Variants in TPPP observed in about 807,000 individuals in gnomAD.
TPPP encodes tubulin polymerization promoting protein.
Under a neutral mutation model 15.5 loss-of-function variants are expected in TPPP, and 6 were observed. The observed-to-expected ratio is 0.39, with a 90% confidence interval of 0.21 to 0.77. The LOEUF (loss-of-function observed/expected upper bound fraction) is 0.77. Ranked by LOEUF, TPPP falls within the 30% of genes least tolerant of loss-of-function variation. The pLI is 0.42. For missense variants in TPPP, 269 were observed against 307.2 expected (o/e 0.88, Z 0.93); for synonymous variants, 146 against 133.9 (o/e 1.09, Z -0.63).
At chr5:684,765 C>A (rs1260425769) in intron 1 of TPPP, among the ~76,000 whole-genome samples, 5 of 152,168 alleles carry the variant, frequency 3.3e-5, no homozygotes, top group African/African-American at 9.7e-5. Context: ...TCATTATCAT[C>A]GCACGGCACT....
Position 676,820 on chromosome 5 carries a change from A to G in TPPP, c.311+930T>C, listed in dbSNP as rs185288505. Among the ~76,000 whole-genome samples, 759 of 100,150 alleles carry G rather than the reference A, an allele frequency of 7.6e-3. 3 individuals are homozygous for G. Among genetic ancestry groups the G allele is most frequent in the Middle Eastern group, 0.038 (7 of 186 alleles). 65.7% of individuals were successfully genotyped at this position (100,150 alleles called of 152,430 possible). ...CACGTGCACATGCAGAAACACATGC[A>G]CACATGCGCACACGTGCACACACGA... On this transcript the variant is annotated intron_variant, in intron 2 of 3. Transcript: ENST00000360578.
intron 1 of TPPP, among the ~76,000 whole-genome samples, chr5:684,642 GC>G (rs1740718999): frequency 6.6e-6 from 1 of 152,064 alleles, no homozygotes; most frequent in Non-Finnish European, 1.5e-5. Flanking sequence ...ATTAAACAGG[GC>G]CAAGGAACAA....
chr5:672,167 C>T (rs1174877768), intron 2 of TPPP, among the ~76,000 whole-genome samples: 1 of 152,200 alleles, frequency 6.6e-6, no homozygotes, highest in African/African-American at 2.4e-5. Flanking sequence ...GTCCTACCGG[C>T]CCTCCACACT....
At chr5:671,352 A>T (rs1179143563) in intron 2 of TPPP, among the ~76,000 whole-genome samples, 1 of 151,790 alleles carries the variant, frequency 6.6e-6, no homozygotes, top group Non-Finnish European at 1.5e-5. Flanking sequence ...CCCCGGGCAG[A>T]TCTGAGGGGC....
the TPPP span, among the ~76,000 whole-genome samples, chr5:699,595 C>A: frequency 6.6e-6 from 1 of 152,016 alleles, no homozygotes; most frequent in African/African-American, 2.4e-5. Flanking sequence ...AGAGCAATTG[C>A]AACAAAAACA....
chr5:694,167 A>G (rs1186416719), upstream of TPPP, among the ~76,000 whole-genome samples: 1 of 150,808 alleles, frequency 6.6e-6, no homozygotes, highest in Non-Finnish European at 1.5e-5. Flanking sequence ...CGCTCCCCAG[A>G]CAGGCTTTGC....
intron 3 of TPPP, 166 bp from the exon 4 acceptor site, chr5:665,462 C>T (rs1310835922): frequency 5.8e-6 from 4 of 685,770 alleles, no homozygotes; most frequent in Admixed American, 3.0e-5. Flanking sequence ...CCTCTCCTGA[C>T]CCTGGGGCAG....
At chr5:691,644 C>A (rs1322761895) in intron 1 of TPPP, among the ~76,000 whole-genome samples, 1 of 26,402 alleles carries the variant, frequency 3.8e-5, no homozygotes, top group East Asian at 5.7e-4. Context: ...CAGCAGCCCC[C>A]AACCCCCATC....
intron 1 of TPPP, among the ~76,000 whole-genome samples, chr5:688,442 G>A (rs910232073): frequency 1.3e-4 from 20 of 151,246 alleles, no homozygotes; most frequent in African/African-American, 4.8e-4. Flanking sequence ...CCCACCACGT[G>A]GCTTCTGGTT....
At chr5:694,232 C>T (rs1341779257), upstream of TPPP, among the ~76,000 whole-genome samples, 2 of 151,840 alleles carry the variant, frequency 1.3e-5, no homozygotes, top group Admixed American at 6.6e-5. Flanking sequence ...GTTGGCTCCC[C>T]ACAAGGTTCC....
intron 2 of TPPP, among the ~76,000 whole-genome samples, chr5:670,567 GGGGGAGCTTCT>G (rs1227386026): frequency 6.6e-6 from 1 of 152,146 alleles, no homozygotes. Flanking sequence ...CACGGGGGGA[GGGGGAGCTTCT>G]GGGGAGGTTC....
intron 2 of TPPP, among the ~76,000 whole-genome samples, chr5:676,950 C>T (rs1388118107): frequency 1.3e-5 from 2 of 150,592 alleles, no homozygotes; most frequent in African/African-American, 2.4e-5. Context: ...GACGCAGAAA[C>T]GCGCACACGT....
In TPPP at chr5:668,288, C is replaced by T. The variant is rs1469654310; in HGVS notation, c.312-2165G>A. 2.4e-3 allele frequency among the ~76,000 whole-genome samples: 176 copies of T among 73,712 alleles called. 23 individuals carry two copies. The highest frequency in any genetic ancestry group is 8.0e-3 in the African/African-American group (103 of 12,918). The allele number at this position is 73,712 out of a possible 152,430, so 48.4% of individuals were successfully genotyped here. ...ACACGGAGAGGGGTCCGCGTGGGCG[C>T]CGTCAGGGAAGTACCGACAAGCACA... is the stretch of plus-strand genomic sequence containing the variant. On this transcript the variant is annotated intron_variant, in intron 2 of 3. Coordinates refer to ENST00000360578, the MANE Select transcript of TPPP (RefSeq NM_007030.3).
chr5:659,897 A>G lies in TPPP; in HGVS notation c.*5205T>C, dbSNP rs1739508789. 1 of 152,332 alleles carries G rather than the reference A, an allele frequency of 6.6e-6. No homozygotes were observed. The highest frequency in any genetic ancestry group is 1.5e-5 in the Non-Finnish European group (1 of 68,042). 9.4% of individuals were successfully genotyped at this position (152,332 alleles called of 1,614,324 possible). Reference sequence around the variant, plus strand: ...AACACCTTTATTTGTCACTTTACCAACTTGACACACAATGTTAACGACAGC... The same window carrying G: ...AACACCTTTATTTGTCACTTTACCAGCTTGACACACAATGTTAACGACAGC... On this transcript the variant is annotated 3_prime_UTR_variant, in exon 4 of 4. Coordinates refer to ENST00000360578, the MANE Select transcript of TPPP (RefSeq NM_007030.3).
chr5:675,022 G>A (rs1171756044), intron 2 of TPPP, among the ~76,000 whole-genome samples: 34 of 123,466 alleles, frequency 2.8e-4, no homozygotes, highest in African/African-American at 7.8e-4. Context: ...CAGTGTGGCC[G>A]GGGGAGCAGT....
At chr5:669,798 C>G (rs1274000415) in intron 2 of TPPP, among the ~76,000 whole-genome samples, 1 of 152,086 alleles carries the variant, frequency 6.6e-6, no homozygotes, top group Non-Finnish European at 1.5e-5. Context: ...CCCAGGAGAC[C>G]CGGGTGCCCC....
intron 2 of TPPP, among the ~76,000 whole-genome samples, chr5:671,204 C>G (rs559506942): frequency 1.4e-4 from 21 of 145,888 alleles, no homozygotes; most frequent in Admixed American, 4.1e-4. Flanking sequence ...GCGCTTGCTG[C>G]TAATTAATTT....
At chr5:669,421 C>G (rs80259565) in intron 2 of TPPP, among the ~76,000 whole-genome samples, 6,351 of 152,250 alleles carry the variant, frequency 0.042, 263 homozygotes, top group African/African-American at 0.1. Context: ...CCCCAGGCAG[C>G]CCACAGTGCC....
In TPPP at chr5:662,628, CAGAA is replaced by C. The variant is rs1418496552; in HGVS notation, c.*2470_*2473del. Reference sequence around the variant, plus strand: ...CTGTGGGGACTGGGCTGCCCACGGACAGAAAGGAGAAACGCAGCCTGTGACCAGG... The same window carrying C: ...CTGTGGGGACTGGGCTGCCCACGGACAGGAGAAACGCAGCCTGTGACCAGG... On this transcript the variant is annotated 3_prime_UTR_variant, in exon 4 of 4. Coordinates refer to ENST00000360578, the MANE Select transcript of TPPP (RefSeq NM_007030.3). 4 of 152,638 alleles carry C rather than the reference CAGAA, an allele frequency of 2.6e-5. No individual in the cohort carries two copies. The highest frequency in any genetic ancestry group is 9.6e-5 in the African/African-American group (4 of 41,586). The allele number at this position is 152,638 out of a possible 1,614,324, so 9.5% of individuals were successfully genotyped here.
Sources: allele counts gnomAD v4.1 joint callset (sites outside exome capture counted in the v4.1 genomes callset), GRCh38; gene constraint gnomAD v4.1.1; transcripts MANE v1.5; gene names NCBI Gene and HGNC (gene_info 2026-07-23, HGNC 2026-07-21).